ARHGAP32: variants seen among roughly 807,000 people sequenced by gnomAD.
ARHGAP32 encodes the protein rho GTPase-activating protein 32.
ARHGAP32 carries 51 observed loss-of-function variants against 186.5 expected under a neutral mutation model. That is an observed-to-expected ratio of 0.27 (90% CI 0.22 to 0.35). ARHGAP32 has a LOEUF of 0.35. Ranked by LOEUF, ARHGAP32 falls within the 10% of genes least tolerant of loss-of-function variation. The probability of loss-of-function intolerance (pLI) is 1.00; values close to 1 mark genes in which losing one functional copy is unlikely to be tolerated. For missense variants in ARHGAP32, 2,186 were observed against 2,623.5 expected, an observed-to-expected ratio of 0.83 and a Z score of 3.64; for synonymous variants, 950 against 964.3, an observed-to-expected ratio of 0.99 and a Z score of 0.27.
intron 2 of ARHGAP32, among the ~76,000 whole-genome samples, chr11:129,147,848 C>T (rs562115037): frequency 1.3e-5 from 2 of 152,190 alleles, no homozygotes; most frequent in Admixed American, 1.3e-4. Context: ...CTCTTTTAAA[C>T]TTTATCCTTC....
chr11:129,108,158 T>C (rs1942101670), intron 5 of ARHGAP32, among the ~76,000 whole-genome samples: 1 of 152,060 alleles, frequency 6.6e-6, no homozygotes. Context: ...TAAGAGTAAT[T>C]ACTACAAATG....
chr11:129,221,749 C>A (rs1190899825), intron 1 of ARHGAP32, among the ~76,000 whole-genome samples: 1 of 151,914 alleles, frequency 6.6e-6, no homozygotes, highest in Non-Finnish European at 1.5e-5. Context: ...GAGGTCCAGG[C>A]TGCTGTGGGC....
chr11:129,082,366 C>A lies in ARHGAP32; in HGVS notation c.531+11255G>T, dbSNP rs7121561. Among the ~76,000 whole-genome samples, 1,225 of 152,056 alleles carry A rather than the reference C, an allele frequency of 8.1e-3. 16 individuals are homozygous for A. Among genetic ancestry groups the A allele is most frequent in the African/African-American group, 0.028 (1,178 of 41,496 alleles). On this transcript the variant is annotated intron_variant, in intron 6 of 22. Coordinates refer to ENST00000682385, the MANE Select transcript of ARHGAP32 (RefSeq NM_001378024.1). ...CCAAATTCAAACTACACTATAAGGC[C>A]ACAGTCACCAAAACATCATGGTACT...
In ARHGAP32 at chr11:129,184,049, A is replaced by G. The variant is rs149281790; in HGVS notation, c.116+8034T>C. On this transcript the variant is annotated intron_variant, in intron 1 of 22. Coordinates refer to ENST00000682385, the MANE Select transcript of ARHGAP32 (RefSeq NM_001378024.1). ...CTAAAAGACTGAAAAACTTAAAAGC[A>G]AGTGGTATCATACTGACCTAAAGAG... 1.1e-3 allele frequency among the ~76,000 whole-genome samples: 174 copies of G among 152,286 alleles called. 2 individuals carry two copies. The highest frequency in any genetic ancestry group is 3.9e-3 in the African/African-American group (163 of 41,570).
At chr11:129,186,926 T>C (rs1490855127) in intron 1 of ARHGAP32, among the ~76,000 whole-genome samples, 1 of 152,120 alleles carries the variant, frequency 6.6e-6, no homozygotes, top group African/African-American at 2.4e-5. Context: ...GAATGTAAAT[T>C]AGGCAACTAC....
At chr11:129,092,808 C>A (rs565604383) in intron 6 of ARHGAP32, among the ~76,000 whole-genome samples, 20 of 151,934 alleles carry the variant, frequency 1.3e-4, no homozygotes, top group South Asian at 1.2e-3. Flanking sequence ...ATATAAATGC[C>A]CATATCTTAC....
rs891640187 is a variant in ARHGAP32, at chr11:129,017,482, T to A, written c.1046-19014A>T. Among the ~76,000 whole-genome samples the A allele has an allele frequency of 1.4e-4, 21 of 151,802 alleles. 1 individual carries two copies. Among genetic ancestry groups the A allele is most frequent in the Admixed American group, 1.2e-3 (19 of 15,256 alleles). On this transcript the variant is annotated intron_variant, in intron 11 of 22. Transcript: ENST00000682385. ...AAAAAAGAAAAAGAAAAAAAAAGTT[T>A]AAAATAATAACTACTGAACAGCATT...
At chr11:129,266,707 CA>C (rs1277179808) in intron 1 of ARHGAP32, among the ~76,000 whole-genome samples, 1 of 152,200 alleles carries the variant, frequency 6.6e-6, no homozygotes, top group African/African-American at 2.4e-5. Flanking sequence ...TAAACAATGG[CA>C]CCCATCCTGG....
At chr11:129,103,936 C>T (rs1361677290) in intron 5 of ARHGAP32, among the ~76,000 whole-genome samples, 3 of 152,038 alleles carry the variant, frequency 2.0e-5, no homozygotes. Flanking sequence ...AAACCCAGAA[C>T]TGCAGGAAGG....
chr11:129,247,195 C>T (rs1396425824), intron 1 of ARHGAP32, among the ~76,000 whole-genome samples: 1 of 152,060 alleles, frequency 6.6e-6, no homozygotes, highest in African/African-American at 2.4e-5. Context: ...AATTATTACG[C>T]CCCCATATAA....
chr11:129,127,271 G>A (rs1216376500), intron 2 of ARHGAP32, among the ~76,000 whole-genome samples: 1 of 152,158 alleles, frequency 6.6e-6, no homozygotes, highest in African/African-American at 2.4e-5. Flanking sequence ...TAAATCCACA[G>A]GCTATGCAAA....
At chr11:129,034,728 C>CA (rs767897442) in intron 11 of ARHGAP32, among the ~76,000 whole-genome samples, 10,026 of 72,560 alleles carry the variant, frequency 0.14, 402 homozygotes, top group Non-Finnish European at 0.16. Context: ...AAACTGAAAA[C>CA]AAAAAAAAAA....
At chr11:129,110,598 T>C (rs1056374302) in intron 5 of ARHGAP32, among the ~76,000 whole-genome samples, 1 of 152,192 alleles carries the variant, frequency 6.6e-6, no homozygotes, top group Non-Finnish European at 1.5e-5. Context: ...TTTGTTTGTG[T>C]CCTCTTCAAT....
chr11:129,277,909 G>A (rs1945552299), intron 1 of ARHGAP32, among the ~76,000 whole-genome samples: 1 of 152,092 alleles, frequency 6.6e-6, no homozygotes, highest in Admixed American at 6.6e-5. Context: ...AACAAATATC[G>A]ATTCTCAGTT....
upstream of ARHGAP32, among the ~76,000 whole-genome samples, chr11:129,193,731 T>C (rs1371895895): frequency 2.1e-5 from 2 of 93,438 alleles, no homozygotes; most frequent in Admixed American, 1.6e-4. Flanking sequence ...ATATTATATA[T>C]AATATATATT....
intron 2 of ARHGAP32, among the ~76,000 whole-genome samples, chr11:129,128,221 T>C (rs922096483): frequency 6.6e-6 from 1 of 152,206 alleles, no homozygotes; most frequent in South Asian, 2.1e-4. Flanking sequence ...TACAGTATAT[T>C]GGGGCATTTC....
At chr11:129,075,162 CA>C (rs1359713553) in intron 6 of ARHGAP32, among the ~76,000 whole-genome samples, 1 of 152,092 alleles carries the variant, frequency 6.6e-6, no homozygotes, top group Non-Finnish European at 1.5e-5. Context: ...CCAACTACAT[CA>C]ATAATCACTT....
At chr11:129,139,120 CTTA>C (rs1942995613) in intron 2 of ARHGAP32, among the ~76,000 whole-genome samples, 1 of 152,128 alleles carries the variant, frequency 6.6e-6, no homozygotes, top group Non-Finnish European at 1.5e-5. Flanking sequence ...CTAAACATTA[CTTA>C]TTAGAATATG....
Position 129,250,862 on chromosome 11 carries a change from A to AG in ARHGAP32, c.-5+28283_-5+28284insC, listed in dbSNP as rs1466451658. Among the ~76,000 whole-genome samples the AG allele has an allele frequency of 1.0e-3, 158 of 152,324 alleles. 1 individual carries two copies. Among genetic ancestry groups the AG allele is most frequent in the African/African-American group, 3.5e-3 (144 of 41,574 alleles). Reference sequence around the variant, plus strand: ...AGGAAGAAAATTAACTAGCTTACATATGTCATACCTCACACTTAATCTTCG... The same window carrying AG: ...AGGAAGAAAATTAACTAGCTTACATAGTGTCATACCTCACACTTAATCTTCG... On this transcript the variant is annotated intron_variant, in intron 1 of 6. Coordinates refer to the ARHGAP32 transcript ENST00000525234.
Sources: gnomAD v4.1 joint callset for allele counts (sites outside exome capture counted in the v4.1 genomes callset) on GRCh38, gnomAD v4.1.1 for gene constraint, MANE v1.5 for transcripts, NCBI Gene and HGNC (gene_info 2026-07-23, HGNC 2026-07-21) for gene names.